NCAM2: variants seen among roughly 807,000 people sequenced by gnomAD.
NCAM2 encodes the protein neural cell adhesion molecule 2.
A neutral mutation model predicts 98.1 loss-of-function variants in NCAM2; 30 were observed. The observed-to-expected ratio is 0.31, with a 90% CI of 0.23 to 0.41. NCAM2 has a LOEUF of 0.41. NCAM2 is among the 10% of genes least tolerant of loss of function. NCAM2 has a pLI of 1.00. For synonymous variants in NCAM2, 368 were observed against 342.4 expected, an observed-to-expected ratio of 1.07 and a Z score of -0.83; for missense variants, 867 against 1,005.8, an observed-to-expected ratio of 0.86 and a Z score of 1.87.
chr21:21,311,911 C>T (rs907056084), intron 5 of NCAM2, among the ~76,000 whole-genome samples: 1 of 151,982 alleles, frequency 6.6e-6, no homozygotes, highest in African/African-American at 2.4e-5. Context: ...TTGAAGGTTC[C>T]TTGAGTTTAT....
At chr21:21,219,633 A>C (rs560092883) in intron 1 of NCAM2, among the ~76,000 whole-genome samples, 1 of 152,234 alleles carries the variant, frequency 6.6e-6, no homozygotes, top group South Asian at 2.1e-4. Context: ...TTGATGATCA[A>C]TGTCTTTGTT....
At chr21:21,360,178 C>A (rs2075607233) in intron 8 of NCAM2, among the ~76,000 whole-genome samples, 2 of 151,822 alleles carry the variant, frequency 1.3e-5, no homozygotes, top group South Asian at 4.1e-4. Context: ...AAGATGGAAT[C>A]CATTATAACA....
chr21:21,189,194 A>C (rs182154758), intron 1 of NCAM2, among the ~76,000 whole-genome samples: 1 of 152,188 alleles, frequency 6.6e-6, no homozygotes, highest in Admixed American at 6.5e-5. Context: ...TTTGAAGCCA[A>C]ATCAATGGTA....
intron 16 of NCAM2, among the ~76,000 whole-genome samples, chr21:21,516,666 T>G (rs1036628546): frequency 2.0e-5 from 3 of 152,148 alleles, no homozygotes; most frequent in African/African-American, 7.2e-5. Context: ...CATCTGTATT[T>G]TTTTTCCACT....
At chr21:21,252,013 T>C (rs993808168) in intron 1 of NCAM2, among the ~76,000 whole-genome samples, 2 of 152,088 alleles carry the variant, frequency 1.3e-5, no homozygotes, top group African/African-American at 4.8e-5. Context: ...GGTTTTCTTC[T>C]AGGGTTTTTA....
At chr21:21,496,517 T>C (rs1987247194) in intron 15 of NCAM2, among the ~76,000 whole-genome samples, 1 of 152,076 alleles carries the variant, frequency 6.6e-6, no homozygotes, top group Non-Finnish European at 1.5e-5. Context: ...TAATAGACCT[T>C]TGTAGGATGC....
intron 1 of NCAM2, among the ~76,000 whole-genome samples, chr21:21,078,346 C>T (rs1414822619): frequency 6.6e-6 from 1 of 152,022 alleles, no homozygotes; most frequent in Admixed American, 6.6e-5. Context: ...CAGATGTAGC[C>T]AAAGGTGAAG....
chr21:21,293,434 G>T (rs2073365852), intron 5 of NCAM2, among the ~76,000 whole-genome samples: 1 of 151,440 alleles, frequency 6.6e-6, no homozygotes, highest in African/African-American at 2.4e-5. Context: ...ACTTTTCATG[G>T]CATAGAAAAC....
At chr21:21,334,687 TA>T (rs2074810231) in intron 6 of NCAM2, among the ~76,000 whole-genome samples, 1 of 151,992 alleles carries the variant, frequency 6.6e-6, no homozygotes, top group African/African-American at 2.4e-5. Context: ...ATACACAATA[TA>T]AAACGATTTC....
intron 12 of NCAM2, among the ~76,000 whole-genome samples, chr21:21,456,927 G>A (rs964641782): frequency 6.6e-6 from 1 of 152,094 alleles, no homozygotes; most frequent in Non-Finnish European, 1.5e-5. Context: ...GGACTTCTCA[G>A]GCTCTGGAAC....
intron 1 of NCAM2, among the ~76,000 whole-genome samples, chr21:21,117,504 G>T (rs982077990): frequency 1.3e-5 from 2 of 151,994 alleles, no homozygotes; most frequent in Non-Finnish European, 2.9e-5. Flanking sequence ...GATGAATAAA[G>T]AAATTGTGAA....
chr21:21,530,171 T>C (rs1569141669), intron 16 of NCAM2, among the ~76,000 whole-genome samples: 1 of 138,700 alleles, frequency 7.2e-6, no homozygotes, highest in Non-Finnish European at 1.5e-5. Flanking sequence ...TAATTTAATT[T>C]AATTATATAT....
chr21:21,154,962 G>A (rs1292399404), intron 1 of NCAM2, among the ~76,000 whole-genome samples: 3 of 151,832 alleles, frequency 2.0e-5, no homozygotes, highest in East Asian at 1.9e-4. Context: ...TTAAAATTAT[G>A]AAGAAAGGCA....
chr21:21,258,516 C>A (rs759867950), intron 1 of NCAM2, among the ~76,000 whole-genome samples: 4 of 152,070 alleles, frequency 2.6e-5, no homozygotes, highest in Non-Finnish European at 5.9e-5. Context: ...TTCTCTGTTT[C>A]GTTCACCCCT....
intron 15 of NCAM2, among the ~76,000 whole-genome samples, chr21:21,503,131 GATAC>G (rs1218977095): frequency 6.6e-6 from 1 of 151,856 alleles, no homozygotes; most frequent in Non-Finnish European, 1.5e-5. Context: ...TTTAGCCAGA[GATAC>G]ATTCCAAAAC....
At chr21:21,407,228 T>C (rs1395727825) in intron 9 of NCAM2, among the ~76,000 whole-genome samples, 1 of 152,254 alleles carries the variant, frequency 6.6e-6, no homozygotes, top group African/African-American at 2.4e-5. Flanking sequence ...TGAATATCGC[T>C]GCCTTGCTAC....
intron 1 of NCAM2, among the ~76,000 whole-genome samples, chr21:21,261,342 G>A (rs751002116): frequency 9.9e-5 from 15 of 152,056 alleles, no homozygotes; most frequent in Middle Eastern, 3.2e-3. Context: ...TTGACAAAAT[G>A]TACCTAATAG....
At chr21:21,200,684 C>T (rs558130389) in intron 1 of NCAM2, among the ~76,000 whole-genome samples, 115 of 147,934 alleles carry the variant, frequency 7.8e-4, no homozygotes, top group Non-Finnish European at 1.5e-3. Context: ...AATTATTTGA[C>T]TCAATTAGGG....
intron 9 of NCAM2, among the ~76,000 whole-genome samples, chr21:21,387,223 C>A (rs1341091442): frequency 6.8e-6 from 1 of 147,210 alleles, no homozygotes; most frequent in Non-Finnish European, 1.5e-5. Context: ...CACACACACA[C>A]AAATCTGGTG....
Sources: allele counts gnomAD v4.1 joint callset (sites outside exome capture counted in the v4.1 genomes callset), GRCh38; gene constraint gnomAD v4.1.1; transcripts MANE v1.5; gene names NCBI Gene and HGNC (gene_info 2026-07-23, HGNC 2026-07-21).